Variants in ZNF609 observed in about 807,000 individuals in gnomAD.
The protein encoded by ZNF609 is zinc finger protein 609.
In ZNF609, 11 loss-of-function variants were observed where a neutral mutation model predicts 109.5. That is an observed-to-expected ratio of 0.10 (90% CI 0.06 to 0.17). ZNF609 has a LOEUF of 0.17. Ranked by LOEUF, ZNF609 falls within the 10% of genes least tolerant of loss-of-function variation. ZNF609 has a pLI of 1.00. For synonymous variants in ZNF609, 646 were observed against 662.0 expected (o/e 0.98, Z 0.37); for missense variants, 1,559 against 1,772.4 (o/e 0.88, Z 2.16).
At chr15:64,518,769 G>A (rs1222813766) in intron 2 of ZNF609, among the ~76,000 whole-genome samples, 1 of 152,098 alleles carries the variant, frequency 6.6e-6, no homozygotes, top group Non-Finnish European at 1.5e-5. Flanking sequence ...GGAAGAGATT[G>A]AAGAAGAAGT....
chr15:64,468,241 CTCCTTTCCTT>C (rs140952245), intron 1 of ZNF609, among the ~76,000 whole-genome samples: 1 of 149,444 alleles, frequency 6.7e-6, no homozygotes, highest in Non-Finnish European at 1.5e-5. Context: ...TCCTTCCTTC[CTCCTTTCCTT>C]TCCTTTCCTT....
intron 2 of ZNF609, among the ~76,000 whole-genome samples, chr15:64,571,723 G>A (rs1894862415): frequency 6.6e-6 from 1 of 152,026 alleles, no homozygotes; most frequent in Non-Finnish European, 1.5e-5. Flanking sequence ...AGGCTGGAGG[G>A]CAGTGGTGAG....
At chr15:64,534,989 T>C (rs886792036) in intron 2 of ZNF609, among the ~76,000 whole-genome samples, 1 of 151,630 alleles carries the variant, frequency 6.6e-6, no homozygotes, top group Non-Finnish European at 1.5e-5. Context: ...GCCGAGATCA[T>C]GCCATTGTAC....
chr15:64,480,172 GA>G (rs752310416), intron 1 of ZNF609, among the ~76,000 whole-genome samples: 11 of 152,042 alleles, frequency 7.2e-5, no homozygotes, highest in Non-Finnish European at 1.5e-4. Context: ...CTGGGAGGCA[GA>G]GGTTGCAGTG....
intron 3 of ZNF609, among the ~76,000 whole-genome samples, chr15:64,639,875 C>T (rs189681766): frequency 2.6e-5 from 4 of 152,252 alleles, no homozygotes; most frequent in South Asian, 2.1e-4. Flanking sequence ...ATCATCCACC[C>T]TCTGACCCCA....
chr15:64,576,298 A>C (rs1894951945), intron 2 of ZNF609, among the ~76,000 whole-genome samples: 1 of 152,084 alleles, frequency 6.6e-6, no homozygotes, highest in South Asian at 2.1e-4. Context: ...TTCAGTGTCT[A>C]CTTGCTGCCA....
At chr15:64,491,824 G>A (rs1893417234) in intron 1 of ZNF609, among the ~76,000 whole-genome samples, 1 of 151,982 alleles carries the variant, frequency 6.6e-6, no homozygotes, top group African/African-American at 2.4e-5. Flanking sequence ...CAGCCTGGGC[G>A]ACAGAGCAAG....
intron 2 of ZNF609, among the ~76,000 whole-genome samples, chr15:64,601,426 A>C (rs1353845712): frequency 2.0e-5 from 3 of 152,182 alleles, no homozygotes; most frequent in Admixed American, 2.0e-4. Context: ...TAATAGAGCT[A>C]ATGAGGGTAG....
rs371065493 is a variant in ZNF609, at chr15:64,680,757, C to T, written c.4057C>T (p.Arg1353Trp). 1.3e-5 allele frequency: 21 copies of T among 1,613,396 alleles called. No individual in the cohort carries two copies. The highest frequency in any genetic ancestry group is 8.8e-5 in the South Asian group (8 of 91,076). ...GASGGERSVD[R>W]PRTSPSQRLM... ...AAGTGGGGGTGAACGGAGTGTTGACCGGCCCCGCACCTCTCCTTCCCAGCG... is the reference window on the plus strand; with the variant it reads ...AAGTGGGGGTGAACGGAGTGTTGACTGGCCCCGCACCTCTCCTTCCCAGCG... The change falls in exon 8 of 10, where the codon CGG (arginine) becomes TGG (tryptophan). Residue 1353 changes from arginine (R) to tryptophan (W), a missense_variant. By Grantham distance (101) the Arg-to-Trp change is moderately radical. This residue lies in a region of ZNF609 where 1,204 missense variants were observed against 1,314.1 expected (regional missense o/e 0.92). Coordinates refer to ENST00000326648, the MANE Select transcript of ZNF609 (RefSeq NM_015042.2).
At position 64,499,808 on chromosome 15, in the gene ZNF609, A is replaced by G. The variant is rs756586641; in HGVS notation, c.389A>G (p.Asn130Ser). 1.8e-4 allele frequency: 291 copies of G among 1,613,934 alleles called. No homozygotes were observed. Among genetic ancestry groups the G allele is most frequent in the East Asian group, 3.6e-4 (16 of 44,892 alleles). The change falls in exon 2 of 10, where the codon AAT becomes AGT. Residue 130 changes from asparagine to serine, a missense_variant. Physicochemically the swap from Asn to Ser is conservative, Grantham distance 46. Coordinates refer to ENST00000326648, the MANE Select transcript of ZNF609 (RefSeq NM_015042.2). ...CAGGGGCGCTCAGGAGATGGTGCCAATGCTGGAGGCCTGGTTGCTGCTATT... is the reference window on the plus strand; with the variant it reads ...CAGGGGCGCTCAGGAGATGGTGCCAGTGCTGGAGGCCTGGTTGCTGCTATT... The part of the protein sequence containing the change: ...EVQGRSGDGA[N>S]AGGLVAAIAP...
intron 1 of ZNF609, among the ~76,000 whole-genome samples, chr15:64,481,125 G>A (rs563438932): frequency 5.9e-5 from 9 of 152,244 alleles, no homozygotes; most frequent in Non-Finnish European, 1.2e-4. Flanking sequence ...ATTGAGCTGT[G>A]ATCATGTATA....
chr15:64,580,101 G>A (rs1295112371), intron 2 of ZNF609, among the ~76,000 whole-genome samples: 1 of 152,152 alleles, frequency 6.6e-6, no homozygotes, highest in Non-Finnish European at 1.5e-5. Context: ...GAAGAAGAGG[G>A]CAAGAGAGTC....
chr15:64,487,619 T>TG (rs1566995973), intron 1 of ZNF609, among the ~76,000 whole-genome samples: 1 of 151,890 alleles, frequency 6.6e-6, no homozygotes, highest in Admixed American at 6.6e-5. Flanking sequence ...GTTTTTTTTT[T>TG]GTTGTTTGTT....
intron 3 of ZNF609, among the ~76,000 whole-genome samples, chr15:64,627,300 GACTATGTACTTTTAGGGAC>G (rs1895979911): frequency 6.6e-6 from 1 of 152,164 alleles, no homozygotes; most frequent in African/African-American, 2.4e-5. Context: ...CCTTAAAGCA[GACTATGTACTTTTAGGGAC>G]ACAAAATTGC....
At position 64,659,217 on chromosome 15, in the gene ZNF609, A is replaced by T. The variant is rs771559750; in HGVS notation, c.974-11129A>T. On this transcript the variant is annotated intron_variant, in intron 3 of 9. Coordinates refer to ENST00000326648, the MANE Select transcript of ZNF609 (RefSeq NM_015042.2). ...TATAAAACGCGTTTTTAGTTTTTTAAAAGTTTTTTATTGGACATTTACCAC... is the reference window on the plus strand; with the variant it reads ...TATAAAACGCGTTTTTAGTTTTTTATAAGTTTTTTATTGGACATTTACCAC... Among the ~76,000 whole-genome samples, 10 of 152,166 alleles carry T rather than the reference A, an allele frequency of 6.6e-5. 1 individual carries two copies. The highest frequency in any genetic ancestry group is 1.5e-4 in the Non-Finnish European group (10 of 68,032).
At chr15:64,467,391 A>G (rs1342844282) in intron 1 of ZNF609, among the ~76,000 whole-genome samples, 1 of 152,004 alleles carries the variant, frequency 6.6e-6, no homozygotes, top group African/African-American at 2.4e-5. Context: ...TGTGGGCATC[A>G]CCTTTGTGGA....
chr15:64,653,327 T>G (rs1765904545), intron 3 of ZNF609, among the ~76,000 whole-genome samples: 1 of 152,150 alleles, frequency 6.6e-6, no homozygotes, highest in African/African-American at 2.4e-5. Context: ...ATTAGAGTTT[T>G]GTCCCCCTCA....
chr15:64,574,624 G>T (rs951770874), intron 2 of ZNF609, among the ~76,000 whole-genome samples: 8 of 152,138 alleles, frequency 5.3e-5, no homozygotes, highest in Admixed American at 2.6e-4. Context: ...CAAATTCAAG[G>T]ATTTGAAGCT....
At chr15:64,472,172 CA>C (rs764277566) in intron 1 of ZNF609, among the ~76,000 whole-genome samples, 1 of 152,168 alleles carries the variant, frequency 6.6e-6, no homozygotes, top group Non-Finnish European at 1.5e-5. Context: ...CTCGGCCTCC[CA>C]AAGTGCTGGG....
Sources: gnomAD v4.1 joint callset for allele counts (sites outside exome capture counted in the v4.1 genomes callset) on GRCh38, gnomAD v4.1.1 for gene constraint, gnomAD v4.1.1 regional missense constraint, MANE v1.5 for transcripts, NCBI Gene and HGNC (gene_info 2026-07-23, HGNC 2026-07-21) for gene names.